Variants in HS6ST3 observed in about 807,000 individuals in gnomAD.
HS6ST3 encodes heparan sulfate 6-O-sulfotransferase 3, also known as heparan-sulfate 6-O-sulfotransferase 3.
Under a neutral mutation model 36.7 loss-of-function variants are expected in HS6ST3, and 12 were observed. That is an observed-to-expected ratio of 0.33 (90% CI 0.21 to 0.53). HS6ST3 has a LOEUF of 0.53. Among genes scored for constraint, HS6ST3 ranks in the 20% least tolerant of loss-of-function variants. The pLI, the probability that HS6ST3 is intolerant of heterozygous loss-of-function variation, is 0.95. For synonymous variants in HS6ST3, 240 were observed against 257.5 expected (o/e 0.93, Z 0.65); for missense variants, 584 against 640.9 (o/e 0.91, Z 0.96).
intron 1 of HS6ST3, among the ~76,000 whole-genome samples, chr13:96,808,269 A>G (rs1878242609): frequency 6.6e-6 from 1 of 152,218 alleles, no homozygotes; most frequent in Non-Finnish European, 1.5e-5. Flanking sequence ...TCCAGCCACT[A>G]GTAGGATTGC....
chr13:96,361,388 TA>T (rs1347451746), intron 1 of HS6ST3, among the ~76,000 whole-genome samples: 1 of 152,172 alleles, frequency 6.6e-6, no homozygotes, highest in Non-Finnish European at 1.5e-5. Context: ...TAATGTGTAA[TA>T]GAAAAAATAT....
intron 1 of HS6ST3, among the ~76,000 whole-genome samples, chr13:96,719,167 G>A (rs1218700018): frequency 1.3e-5 from 2 of 151,848 alleles, no homozygotes; most frequent in Non-Finnish European, 1.5e-5. Context: ...CCAGCTAGTC[G>A]GGAGACTGAG....
At chr13:96,584,906 A>G (rs746602752) in intron 1 of HS6ST3, among the ~76,000 whole-genome samples, 17 of 152,168 alleles carry the variant, frequency 1.1e-4, no homozygotes, top group Admixed American at 2.0e-4. Flanking sequence ...AGTTGGGAAT[A>G]CCACCACTGG....
intron 1 of HS6ST3, among the ~76,000 whole-genome samples, chr13:96,804,499 G>A (rs945863194): frequency 2.0e-5 from 3 of 152,094 alleles, no homozygotes; most frequent in Non-Finnish European, 4.4e-5. Context: ...ATTAATCACA[G>A]TTACTATTGG....
intron 1 of HS6ST3, among the ~76,000 whole-genome samples, chr13:96,187,456 C>T (rs946261912): frequency 6.6e-6 from 1 of 152,174 alleles, no homozygotes; most frequent in Non-Finnish European, 1.5e-5. Context: ...GAATATGAAG[C>T]AGTTTGCCCC....
intron 1 of HS6ST3, among the ~76,000 whole-genome samples, chr13:96,173,836 T>C (rs2054200229): frequency 1.3e-5 from 2 of 151,964 alleles, no homozygotes; most frequent in African/African-American, 2.4e-5. Context: ...TGTGTGTGTG[T>C]GTGTGTGTGG....
chr13:96,520,980 G>A (rs1353657796), intron 1 of HS6ST3, among the ~76,000 whole-genome samples: 1 of 152,046 alleles, frequency 6.6e-6, no homozygotes, highest in Non-Finnish European at 1.5e-5. Context: ...ATTGGCTGTG[G>A]GTTTGTCATA....
chr13:96,317,309 G>A, intron 1 of HS6ST3, among the ~76,000 whole-genome samples: 1 of 135,108 alleles, frequency 7.4e-6, no homozygotes, highest in African/African-American at 2.8e-5. Context: ...TTCTTTTTAT[G>A]GCTGTGTAGT....
intron 1 of HS6ST3, among the ~76,000 whole-genome samples, chr13:96,638,942 A>G (rs1474962236): frequency 1.3e-5 from 2 of 151,980 alleles, no homozygotes; most frequent in African/African-American, 4.8e-5. Flanking sequence ...TTTTAGCAAT[A>G]TGCATTTAAA....
At chr13:96,184,706 T>G (rs2054257432) in intron 1 of HS6ST3, among the ~76,000 whole-genome samples, 1 of 152,138 alleles carries the variant, frequency 6.6e-6, no homozygotes, top group South Asian at 2.1e-4. Context: ...TGGCCTCTCT[T>G]GCCCTCTGTT....
chr13:96,201,677 C>G (rs2139351776), intron 1 of HS6ST3, among the ~76,000 whole-genome samples: 1 of 152,206 alleles, frequency 6.6e-6, no homozygotes, highest in Non-Finnish European at 1.5e-5. Flanking sequence ...GTATCCCCTG[C>G]TTTTAGAACG....
chr13:96,279,122 A>G (rs2054762543), intron 1 of HS6ST3, among the ~76,000 whole-genome samples: 6 of 152,188 alleles, frequency 3.9e-5, no homozygotes, highest in Admixed American at 3.9e-4. Flanking sequence ...CTTTCAATGT[A>G]TCATTTTAAT....
At chr13:96,203,427 A>C (rs1478698931) in intron 1 of HS6ST3, among the ~76,000 whole-genome samples, 2 of 152,158 alleles carry the variant, frequency 1.3e-5, no homozygotes, top group Non-Finnish European at 2.9e-5. Flanking sequence ...ATCGTACCTC[A>C]AAGGCCTCAC....
At chr13:96,342,525 T>C (rs934341412) in intron 1 of HS6ST3, among the ~76,000 whole-genome samples, 5 of 152,224 alleles carry the variant, frequency 3.3e-5, no homozygotes, top group African/African-American at 1.2e-4. Context: ...GAGTCAATTA[T>C]CATGTTTACT....
intron 1 of HS6ST3, among the ~76,000 whole-genome samples, chr13:96,652,948 G>T (rs1203684893): frequency 1.3e-5 from 2 of 151,954 alleles, no homozygotes; most frequent in African/African-American, 2.4e-5. Context: ...CACTATAATA[G>T]TCATCAATAA....
rs969437154 is a variant in HS6ST3, at chr13:96,791,428, T to C, written c.708-41062T>C. On this transcript the variant is annotated intron_variant, in intron 1 of 1. Coordinates refer to ENST00000376705, the MANE Select transcript of HS6ST3 (RefSeq NM_153456.4). ...TGTGGCCACAGCAGATATTATTTGT[T>C]GGTTGTCCCTGGTCCCTCTGAGCCC... Among the ~76,000 whole-genome samples the C allele has an allele frequency of 2.6e-5, 4 of 152,008 alleles. No individual in the cohort carries two copies. The East Asian group carries it at 7.7e-4, about 29-fold the overall frequency.
chr13:96,101,277 G>A (rs2053817160), intron 1 of HS6ST3, among the ~76,000 whole-genome samples: 5 of 152,000 alleles, frequency 3.3e-5, no homozygotes, highest in Admixed American at 2.0e-4. Flanking sequence ...CCTTTCTGCC[G>A]CTTAGATTTT....
chr13:96,832,658 G>T lies in HS6ST3; in HGVS notation c.876G>T (p.Gly292=), dbSNP rs1878832219. The change falls in exon 2 of 2, where the codon GGG becomes GGT. Residue 292 remains glycine, a synonymous_variant. Transcript: ENST00000376705. ...PTCYPGDDWS[G]VSLREFMDCT... ...GCTACCCTGGGGATGACTGGTCTGGGGTCAGCTTGCGGGAGTTTATGGATT... is the reference window on the plus strand; with the variant it reads ...GCTACCCTGGGGATGACTGGTCTGGTGTCAGCTTGCGGGAGTTTATGGATT... 9.3e-6 allele frequency: 15 copies of T among 1,613,942 alleles called. No individual in the cohort carries two copies. The highest frequency in any genetic ancestry group is 2.7e-5 in the African/African-American group (2 of 74,902).
intron 1 of HS6ST3, among the ~76,000 whole-genome samples, chr13:96,821,699 T>C (rs1242687129): frequency 6.6e-6 from 1 of 152,186 alleles, no homozygotes; most frequent in Non-Finnish European, 1.5e-5. Flanking sequence ...CAATCTTTGT[T>C]TGAGACTTGG....
Sources: gnomAD v4.1 joint callset for allele counts (sites outside exome capture counted in the v4.1 genomes callset) on GRCh38, gnomAD v4.1.1 for gene constraint, MANE v1.5 for transcripts, NCBI Gene and HGNC (gene_info 2026-07-23, HGNC 2026-07-21) for gene names.